SCN2A: variants seen among roughly 807,000 people sequenced by gnomAD.
SCN2A encodes the protein sodium voltage-gated channel alpha subunit 2, also known as sodium channel protein type 2 subunit alpha.
SCN2A carries 20 observed loss-of-function variants against 188.7 expected under a neutral mutation model. That is an observed-to-expected ratio of 0.11 (90% CI 0.07 to 0.15). The LOEUF is 0.15. Among genes scored for constraint, SCN2A ranks in the 10% least tolerant of loss-of-function variants. The pLI is 1.00. For missense variants in SCN2A, 1,278 were observed against 2,445.0 expected (o/e 0.52, Z 10.07); for synonymous variants, 804 against 833.1 (o/e 0.97, Z 0.60).
At chr2:165,271,806 A>G (rs934689797) in intron 1 of SCN2A, 17 of 151,824 alleles carry the variant, frequency 1.1e-4, no homozygotes, top group Admixed American at 9.2e-4. Flanking sequence ...CATAAGTAGA[A>G]TCATAAAGCA....
intron 1 of SCN2A, among the ~76,000 whole-genome samples, chr2:165,258,183 G>T (rs1418492442): frequency 6.6e-6 from 1 of 152,010 alleles, no homozygotes; most frequent in Admixed American, 6.6e-5. Flanking sequence ...CATCCTATTT[G>T]TCAATTTTTA....
intron 25 of SCN2A, among the ~76,000 whole-genome samples, chr2:165,385,312 G>C (rs1220742312): frequency 6.6e-6 from 1 of 152,124 alleles, no homozygotes; most frequent in Non-Finnish European, 1.5e-5. Context: ...CAGAGGTTAA[G>C]TCAAGACCAG....
intron 17 of SCN2A, among the ~76,000 whole-genome samples, chr2:165,359,852 C>T (rs988977848): frequency 6.6e-6 from 1 of 151,974 alleles, no homozygotes; most frequent in South Asian, 2.1e-4. Flanking sequence ...GACATCATGA[C>T]ATAAGAGTTC....
Position 165,252,859 on chromosome 2 carries a change from AG to A in SCN2A, c.-52+13226del, listed in dbSNP as rs991546347. On this transcript the variant is annotated intron_variant, in intron 1 of 26. Coordinates refer to ENST00000375437, the MANE Select transcript of SCN2A (RefSeq NM_001040142.2). ...CTACCTTGAGGGACTATGTAAGGGGAGGGGGGGTGTGGCTGCTTCATCTTGA... is the reference window on the plus strand; with the variant it reads ...CTACCTTGAGGGACTATGTAAGGGGAGGGGGGTGTGGCTGCTTCATCTTGA... 4.0e-5 allele frequency among the ~76,000 whole-genome samples: 6 copies of A among 151,784 alleles called. No individual in the cohort carries two copies. The South Asian group carries it at 6.2e-4, about 16-fold the overall frequency.
intron 14 of SCN2A, among the ~76,000 whole-genome samples, chr2:165,333,053 A>C (rs1474976153): frequency 1.3e-5 from 2 of 152,046 alleles, no homozygotes; most frequent in African/African-American, 4.8e-5. Flanking sequence ...CAAATTGAAT[A>C]TCATTGACCT....
At chr2:165,262,927 T>C (rs1280721240) in intron 1 of SCN2A, among the ~76,000 whole-genome samples, 4 of 152,210 alleles carry the variant, frequency 2.6e-5, no homozygotes, top group African/African-American at 9.6e-5. Context: ...TTTTTGATTG[T>C]ATCAATTGTT....
At chr2:165,339,817 T>C (rs1699211263) in intron 14 of SCN2A, among the ~76,000 whole-genome samples, 1 of 152,190 alleles carries the variant, frequency 6.6e-6, no homozygotes, top group Non-Finnish European at 1.5e-5. Flanking sequence ...TGACTTTCTA[T>C]GCAAATACAC....
chr2:165,286,863 T>C (rs1229904987), intron 1 of SCN2A, among the ~76,000 whole-genome samples: 1 of 152,202 alleles, frequency 6.6e-6, no homozygotes, highest in East Asian at 1.9e-4. Flanking sequence ...TGTCCAATTC[T>C]TTCATCTAAC....
chr2:165,257,452 A>T (rs1213386789), intron 1 of SCN2A, among the ~76,000 whole-genome samples: 1 of 152,162 alleles, frequency 6.6e-6, no homozygotes, highest in African/African-American at 2.4e-5. Context: ...CTTTTTAATC[A>T]TAGCCATTCT....
intron 4 of SCN2A, 64 bp downstream of exon 4, chr2:165,308,001 T>G: frequency 9.7e-7 from 1 of 1,028,558 alleles, no homozygotes; most frequent in South Asian, 1.3e-5. Context: ...TTTAACACCT[T>G]GAGACCTCCT....
intron 13 of SCN2A, among the ~76,000 whole-genome samples, chr2:165,330,495 T>C (rs1461910886): frequency 1.3e-5 from 2 of 152,140 alleles, no homozygotes; most frequent in African/African-American, 4.8e-5. Context: ...TGGTTGAAAT[T>C]CTTCTTGACA....
At chr2:165,352,737 G>A (rs1164963238) in intron 16 of SCN2A, among the ~76,000 whole-genome samples, 2 of 152,078 alleles carry the variant, frequency 1.3e-5, no homozygotes, top group Non-Finnish European at 2.9e-5. Context: ...CAGGCTATGT[G>A]TATGTGTATG....
At chr2:165,299,098 G>T (rs1289811514) in intron 3 of SCN2A, among the ~76,000 whole-genome samples, 7 of 151,796 alleles carry the variant, frequency 4.6e-5, no homozygotes, top group African/African-American at 1.4e-4. Flanking sequence ...GAAAACTATT[G>T]TCCCCACTTG....
intron 7 of SCN2A, 61 bp downstream of exon 7, chr2:165,310,656 TA>T: frequency 1.7e-6 from 2 of 1,185,424 alleles, no homozygotes; most frequent in Non-Finnish European, 1.2e-6. Context: ...ATATTATATA[TA>T]ATGGAAATTA....
intron 11 of SCN2A, among the ~76,000 whole-genome samples, chr2:165,318,811 G>A (rs1697909189): frequency 6.6e-6 from 1 of 152,084 alleles, no homozygotes; most frequent in African/African-American, 2.4e-5. Flanking sequence ...CACACATCCT[G>A]CAAATCCCGT....
At chr2:165,334,779 A>C (rs932785030) in intron 14 of SCN2A, among the ~76,000 whole-genome samples, 2 of 151,806 alleles carry the variant, frequency 1.3e-5, no homozygotes, top group African/African-American at 4.8e-5. Context: ...AAATAAGACA[A>C]GAAAAAGAAA....
In SCN2A at chr2:165,367,390, A is replaced by G. The variant is rs142439830; in HGVS notation, c.3675+19A>G. 5.2e-3 allele frequency: 8,401 copies of G among 1,612,882 alleles called. 28 individuals are homozygous for G. Among genetic ancestry groups the G allele is most frequent in the Non-Finnish European group, 6.5e-3 (7,617 of 1,179,008 alleles). On this transcript the variant is annotated intron_variant, in intron 19 of 26. Coordinates refer to ENST00000375437, the MANE Select transcript of SCN2A (RefSeq NM_001040142.2). ...GGCTCTGGTAGGTGATGCATGATCC[A>G]CTCCTTCACCTTTCATCTGAAATCT...
At position 165,326,898 on chromosome 2, in the gene SCN2A, A is replaced by G. The variant is rs1574600333; in HGVS notation, c.2063A>G (p.Tyr688Cys). Residue 688 changes from tyrosine to cysteine, a missense_variant, in exon 13 of 27, where the codon TAT becomes TGT. Physicochemically the swap from Tyr to Cys is radical, Grantham distance 194. This residue lies in a region of SCN2A where 315 missense variants were observed against 386.6 expected (regional missense o/e 0.81). Coordinates refer to ENST00000375437, the MANE Select transcript of SCN2A (RefSeq NM_001040142.2). ...ATAAGAAAGAGACGGTCCAGTTCTT[A>G]TCATGTTTCCATGGATTTATTGGAA... ...TEIRKRRSSS[Y>C]HVSMDLLEDP... 1.2e-6 allele frequency: 2 copies of G among 1,614,048 alleles called. No individual in the cohort carries two copies. Among genetic ancestry groups the G allele is most frequent in the Non-Finnish European group, 8.5e-7 (1 of 1,179,918 alleles).
At chr2:165,298,681 T>A (rs978496901) in intron 3 of SCN2A, among the ~76,000 whole-genome samples, 9 of 152,154 alleles carry the variant, frequency 5.9e-5, no homozygotes, top group Non-Finnish European at 1.2e-4. Flanking sequence ...TATATTTGGG[T>A]CTCATGATTA....
Sources: gnomAD v4.1 joint callset for allele counts (sites outside exome capture counted in the v4.1 genomes callset) on GRCh38, gnomAD v4.1.1 for gene constraint, gnomAD v4.1.1 regional missense constraint, MANE v1.5 for transcripts, NCBI Gene and HGNC (gene_info 2026-07-23, HGNC 2026-07-21) for gene names.